The following ANAPC1 variants were observed in gnomAD, a reference collection of about 807,000 sequenced individuals.
ANAPC1 encodes anaphase-promoting complex subunit 1.
In ANAPC1, 36 loss-of-function variants were observed where a neutral mutation model predicts 208.0. The ratio of observed to expected loss-of-function variants is 0.17; its 90% CI spans 0.13 to 0.23. The LOEUF is 0.23. Among genes scored for constraint, ANAPC1 ranks in the 10% least tolerant of loss-of-function variants. The pLI, the probability that ANAPC1 is intolerant of heterozygous loss-of-function variation, is 1.00. For synonymous variants in ANAPC1, 378 were observed against 695.2 expected (o/e 0.54, Z 7.18); for missense variants, 942 against 2,011.6 (o/e 0.47, Z 10.17).
rs927935702 is a variant in ANAPC1 at position 111,860,913 on chromosome 2, T to C, written c.1262+1476A>G. On this transcript the variant is annotated intron_variant, in intron 10 of 47. Coordinates refer to ENST00000341068, the MANE Select transcript of ANAPC1 (RefSeq NM_022662.4). ...ACACAATTATTGAATACAATAATTC[T>C]TCAATTCTAATCTAATTCTCTTACC... is the stretch of plus-strand genomic sequence containing the variant. Among the ~76,000 whole-genome samples, 18 of 150,494 alleles carry C rather than the reference T, an allele frequency of 1.2e-4. 1 individual carries two copies. The highest frequency in any genetic ancestry group is 4.7e-4 in the Admixed American group (7 of 14,848).
intron 17 of ANAPC1, among the ~76,000 whole-genome samples, chr2:111,839,316 CCTTT>C (rs1376312788): frequency 6.6e-6 from 1 of 152,202 alleles, no homozygotes; most frequent in African/African-American, 2.4e-5. Flanking sequence ...TCTTTTGAGG[CCTTT>C]CTATTACAAT....
intron 13 of ANAPC1, among the ~76,000 whole-genome samples, chr2:111,855,950 T>C (rs1408710364): frequency 6.6e-6 from 1 of 152,194 alleles, no homozygotes; most frequent in Non-Finnish European, 1.5e-5. Flanking sequence ...AAAATACAGC[T>C]AGCGGCTGGG....
chr2:111,788,445 C>T, intron 38 of ANAPC1, 125 bp from the exon 39 acceptor site: 2 of 1,296,280 alleles, frequency 1.5e-6, no homozygotes. Context: ...CCTCATAATA[C>T]AAGAGTGTCA....
chr2:111,872,636 G>A lies in ANAPC1; in HGVS notation c.605C>T (p.Ser202Leu). 6.2e-7 allele frequency: 1 copy of A among 1,611,074 alleles called. No individual in the cohort carries two copies. The highest frequency in any genetic ancestry group is 8.5e-7 in the Non-Finnish European group (1 of 1,177,418). ...AAGTGAATAAAATGAATACCTGGGT[G>A]AACCTGGAGGTACTTCATGTGAAGA... ...SASSHEVPPG[S>L]PREPLPTMFS... is the part of the protein sequence containing the mutation. The change falls in exon 6 of 48, where the codon TCA becomes TTA. Residue 202 changes from serine to leucine, a missense_variant. Physicochemically the swap from Ser to Leu is moderately radical, Grantham distance 145. Transcript: ENST00000341068.
chr2:111,876,450 A>C (rs1683030184), intron 3 of ANAPC1, among the ~76,000 whole-genome samples: 1 of 152,208 alleles, frequency 6.6e-6, no homozygotes, highest in Non-Finnish European at 1.5e-5. Context: ...AATTACACTT[A>C]CAAGTGATCT....
intron 17 of ANAPC1, among the ~76,000 whole-genome samples, chr2:111,839,882 CACTCTTTCAATGTGTCTCAGGTTAGCCA>C: frequency 6.6e-6 from 1 of 152,214 alleles, no homozygotes; most frequent in South Asian, 2.1e-4. Flanking sequence ...GTTTAATCTT[CACTCTTTCAATGTGTCTCAGGTTAGCCA>C]ACCCTGTTAT....
At chr2:111,869,879 TTC>T (rs1288625772) in intron 6 of ANAPC1, among the ~76,000 whole-genome samples, 1 of 152,160 alleles carries the variant, frequency 6.6e-6, no homozygotes, top group African/African-American at 2.4e-5. Context: ...ACCCTCCTCC[TTC>T]TGAGTCTCCA....
In ANAPC1 at chr2:111,839,839, A is replaced by G. The variant is rs545819051; in HGVS notation, c.2041-1327T>C. 1.6e-4 allele frequency among the ~76,000 whole-genome samples: 24 copies of G among 152,294 alleles called. 1 individual carries two copies. The highest frequency in any genetic ancestry group is 3.4e-3 in the Middle Eastern group (1 of 294). ...GTTATGAGAAAGTAGAAACTGCCTG[A>G]TAAGGATGGCTCTTTGTGCCATACA... On this transcript the variant is annotated intron_variant, in intron 17 of 47. Transcript: ENST00000341068.
At chr2:111,859,068 G>A (rs528830323) in intron 10 of ANAPC1, among the ~76,000 whole-genome samples, 49 of 152,220 alleles carry the variant, frequency 3.2e-4, no homozygotes, top group Admixed American at 1.8e-3. Flanking sequence ...TTCCTATCCC[G>A]CAAAGGGCCA....
At position 111,768,184 on chromosome 2, in the gene ANAPC1, C is replaced by T. The variant is rs1476859137; in HGVS notation, c.*1107G>A. 2.0e-5 allele frequency: 3 copies of T among 152,238 alleles called. No homozygotes were observed. Among genetic ancestry groups the T allele is most frequent in the Non-Finnish European group, 2.9e-5 (2 of 68,060 alleles). The allele number at this position is 152,238 out of a possible 1,614,324, so 9.4% of individuals were successfully genotyped here. A position where few individuals can be genotyped will look rare whatever the true frequency, so the allele number is the denominator to read the frequency against. ...TGAACAGCAGGGAGCATTCTTCCTC[C>T]TGTGTTGGCAACTCGAAGCTGGAGG... On this transcript the variant is annotated 3_prime_UTR_variant, in exon 48 of 48. Transcript: ENST00000341068.
intron 32 of ANAPC1, 24 bp from the exon 33 acceptor site, chr2:111,802,530 G>GT: frequency 1.6e-6 from 1 of 618,796 alleles, no homozygotes; most frequent in Non-Finnish European, 3.0e-6. Context: ...AAAACAGTAA[G>GT]GCACACTGTT....
chr2:111,819,409 AC>A, intron 26 of ANAPC1: 1 of 382,032 alleles, frequency 2.6e-6, no homozygotes, highest in South Asian at 1.2e-4. Context: ...CCTCAGAAGT[AC>A]CATTTCTGTG....
chr2:111,790,902 G>A (rs1364299915), intron 38 of ANAPC1, among the ~76,000 whole-genome samples: 2 of 152,228 alleles, frequency 1.3e-5, no homozygotes, highest in Admixed American at 6.5e-5. Context: ...AATGGTGGCT[G>A]CCAGAGGCTG....
At chr2:111,860,333 A>G (rs978664216) in intron 10 of ANAPC1, among the ~76,000 whole-genome samples, 8 of 150,804 alleles carry the variant, frequency 5.3e-5, no homozygotes, top group Non-Finnish European at 1.2e-4. Context: ...TACTGGGGCA[A>G]GATGTCATGA....
intron 3 of ANAPC1, among the ~76,000 whole-genome samples, chr2:111,878,093 T>A (rs1286679753): frequency 6.6e-6 from 1 of 152,220 alleles, no homozygotes; most frequent in Non-Finnish European, 1.5e-5. Context: ...ATTTGTTCCT[T>A]CACATTTACC....
At chr2:111,834,026 G>C (rs1680330825) in intron 19 of ANAPC1, among the ~76,000 whole-genome samples, 1 of 152,144 alleles carries the variant, frequency 6.6e-6, no homozygotes, top group African/African-American at 2.4e-5. Flanking sequence ...GCTCTTGAAA[G>C]GTGTTGAAAC....
intron 6 of ANAPC1, among the ~76,000 whole-genome samples, chr2:111,872,338 A>T (rs990578949): frequency 6.6e-6 from 1 of 152,188 alleles, no homozygotes; most frequent in African/African-American, 2.4e-5. Context: ...CCACTTGATC[A>T]TGACATATCT....
chr2:111,767,427 T>C (rs1000255928), downstream of ANAPC1, among the ~76,000 whole-genome samples: 2 of 117,832 alleles, frequency 1.7e-5, no homozygotes, highest in African/African-American at 5.2e-5. Context: ...CTGCAATTGA[T>C]TTATTTGATG....
At chr2:111,839,510 A>G (rs1480406485) in intron 17 of ANAPC1, among the ~76,000 whole-genome samples, 2 of 152,214 alleles carry the variant, frequency 1.3e-5, no homozygotes. Flanking sequence ...TGAAAAACTT[A>G]CATATTTATC....
Sources: allele counts gnomAD v4.1 joint callset (sites outside exome capture counted in the v4.1 genomes callset), GRCh38; gene constraint gnomAD v4.1.1; transcripts MANE v1.5; gene names NCBI Gene and HGNC (gene_info 2026-07-23, HGNC 2026-07-21).